Variants in EYS observed in about 807,000 individuals in gnomAD.
EYS encodes the protein EGF-like photoreceptor maintenance factor.
EYS carries 250 observed loss-of-function variants against 282.1 expected under a neutral mutation model. That is an observed-to-expected ratio of 0.89 (90% CI 0.80 to 0.98). The LOEUF (loss-of-function observed/expected upper bound fraction) is 0.98, where lower values mean the gene tolerates loss of function less well. Ranked by LOEUF, EYS falls within the 50% of genes least tolerant of loss-of-function variation. The pLI is 0.00. For synonymous variants in EYS, 1,355 were observed against 1,282.9 expected (o/e 1.06, Z -1.20); for missense variants, 4,016 against 3,709.0 (o/e 1.08, Z -2.15).
chr6:64,492,915 G>A (rs1776781935), intron 26 of EYS, among the ~76,000 whole-genome samples: 2 of 151,380 alleles, frequency 1.3e-5, no homozygotes, highest in African/African-American at 4.8e-5. Flanking sequence ...ATACAATGGT[G>A]AAATGGAGAG....
At chr6:65,189,752 T>A (rs1197462086) in intron 12 of EYS, among the ~76,000 whole-genome samples, 1 of 151,728 alleles carries the variant, frequency 6.6e-6, no homozygotes, top group Non-Finnish European at 1.5e-5. Context: ...AATTACTCCC[T>A]AAGTGTCGAG....
At chr6:64,740,830 C>T (rs1402776558) in intron 22 of EYS, among the ~76,000 whole-genome samples, 1 of 151,886 alleles carries the variant, frequency 6.6e-6, no homozygotes, top group Non-Finnish European at 1.5e-5. Flanking sequence ...TCTCCTGCCT[C>T]AGCCTCCTGA....
intron 2 of EYS, among the ~76,000 whole-genome samples, chr6:65,560,483 TA>T (rs1479230294): frequency 6.6e-6 from 1 of 150,670 alleles, no homozygotes; most frequent in African/African-American, 2.4e-5. Flanking sequence ...TGGTGTCCAT[TA>T]TTTTGTAACT....
In EYS at chr6:64,737,125, A is replaced by C. The variant is rs563146782; in HGVS notation, c.3443+76253T>G. 2.6e-5 allele frequency among the ~76,000 whole-genome samples: 4 copies of C among 152,328 alleles called. No homozygotes were observed. The South Asian group carries it at 8.3e-4, about 32-fold the overall frequency. The stretch of plus-strand genomic sequence containing the variant: ...GATGTGTCTGTAGCTTACTACCTGC[A>C]TGAAGACCAATATCATTTTTTGTGA... On this transcript the variant is annotated intron_variant, in intron 22 of 42. Transcript: ENST00000503581.
intron 22 of EYS, among the ~76,000 whole-genome samples, chr6:64,758,109 A>AT (rs1773016471): frequency 1.3e-5 from 2 of 151,818 alleles, no homozygotes; most frequent in African/African-American, 4.8e-5. Flanking sequence ...AAACACAGAC[A>AT]TGTCTCATCT....
chr6:64,377,931 G>A (rs995129512), intron 29 of EYS: 5 of 152,074 alleles, frequency 3.3e-5, no homozygotes, highest in African/African-American at 9.7e-5. Context: ...TGTAAAATAT[G>A]GGTAAGTACG....
intron 33 of EYS, among the ~76,000 whole-genome samples, chr6:64,034,167 A>G (rs1307324307): frequency 6.6e-6 from 1 of 152,194 alleles, no homozygotes; most frequent in Non-Finnish European, 1.5e-5. Flanking sequence ...TTAAAATTAA[A>G]ACAAACAAAC....
chr6:65,164,653 T>C (rs1764929790), intron 12 of EYS, among the ~76,000 whole-genome samples: 1 of 151,392 alleles, frequency 6.6e-6, no homozygotes, highest in Non-Finnish European at 1.5e-5. Context: ...AGGGCTGTCA[T>C]AACAAAACAT....
intron 22 of EYS, among the ~76,000 whole-genome samples, chr6:64,691,103 C>T (rs1583045944): frequency 6.6e-6 from 1 of 152,064 alleles, no homozygotes; most frequent in Non-Finnish European, 1.5e-5. Flanking sequence ...ATCATCCATT[C>T]ATGATTTAAA....
chr6:65,009,428 C>T (rs1261983803), intron 13 of EYS, among the ~76,000 whole-genome samples: 2 of 152,154 alleles, frequency 1.3e-5, no homozygotes, highest in African/African-American at 4.8e-5. Flanking sequence ...TTATACTCTG[C>T]TTTCCCAAAT....
At chr6:64,450,953 G>A (rs1263384786) in intron 26 of EYS, among the ~76,000 whole-genome samples, 4 of 151,998 alleles carry the variant, frequency 2.6e-5, no homozygotes, top group Non-Finnish European at 4.4e-5. Context: ...AAGAACTGGA[G>A]AAGCAAGAGC....
intron 14 of EYS, among the ~76,000 whole-genome samples, chr6:64,977,295 T>G (rs1770501745): frequency 6.6e-6 from 1 of 152,004 alleles, no homozygotes; most frequent in Non-Finnish European, 1.5e-5. Flanking sequence ...ATATGTGTTA[T>G]GTTGATAAGT....
intron 23 of EYS, among the ~76,000 whole-genome samples, chr6:64,625,293 C>A (rs952418444): frequency 6.6e-6 from 1 of 152,020 alleles, no homozygotes; most frequent in Non-Finnish European, 1.5e-5. Flanking sequence ...GTAGAGATGG[C>A]CAAAAAGACC....
intron 30 of EYS, among the ~76,000 whole-genome samples, chr6:64,271,350 A>G (rs986925077): frequency 6.6e-6 from 1 of 152,064 alleles, no homozygotes; most frequent in African/African-American, 2.4e-5. Flanking sequence ...TTTTTGTATT[A>G]TCTGGGAAAT....
At chr6:63,942,815 G>A (rs999073665) in intron 35 of EYS, among the ~76,000 whole-genome samples, 6 of 151,898 alleles carry the variant, frequency 4.0e-5, no homozygotes, top group Admixed American at 3.3e-4. Flanking sequence ...TACCTCTTCC[G>A]CCTCTGCTAT....
intron 19 of EYS, among the ~76,000 whole-genome samples, chr6:64,826,650 T>A (rs1174187763): frequency 6.8e-6 from 1 of 147,884 alleles, no homozygotes; most frequent in African/African-American, 2.5e-5. Context: ...AGAAATTATA[T>A]ATATTCCTAT....
At chr6:64,968,572 C>T (rs1205617512) in intron 14 of EYS, among the ~76,000 whole-genome samples, 1 of 152,122 alleles carries the variant, frequency 6.6e-6, no homozygotes, top group Non-Finnish European at 1.5e-5. Context: ...TATATAGATG[C>T]TCGAAGCAGT....
At chr6:63,836,110 C>T (rs1309426661) in intron 36 of EYS, among the ~76,000 whole-genome samples, 1 of 151,956 alleles carries the variant, frequency 6.6e-6, no homozygotes, top group Non-Finnish European at 1.5e-5. Flanking sequence ...ATTGCTGGGT[C>T]ATATGGTAAC....
intron 31 of EYS, among the ~76,000 whole-genome samples, chr6:64,219,829 C>T (rs938720044): frequency 2.6e-5 from 4 of 152,158 alleles, no homozygotes; most frequent in Non-Finnish European, 5.9e-5. Flanking sequence ...AGCACATATA[C>T]ACCATGGAAC....
Sources: gnomAD v4.1 joint callset for allele counts (sites outside exome capture counted in the v4.1 genomes callset) on GRCh38, gnomAD v4.1.1 for gene constraint, MANE v1.5 for transcripts, NCBI Gene and HGNC (gene_info 2026-07-23, HGNC 2026-07-21) for gene names.